Variants in NR2C2 observed in about 807,000 individuals in gnomAD.
The protein encoded by NR2C2 is Nuclear hormone receptor TR4.
NR2C2 carries 6 observed loss-of-function variants against 62.9 expected under a neutral mutation model. The ratio of observed to expected loss-of-function variants is 0.10; its 90% CI spans 0.05 to 0.19. NR2C2 has a LOEUF of 0.19. Among genes scored for constraint, NR2C2 ranks in the 10% least tolerant of loss-of-function variants. NR2C2 has a pLI of 1.00. For missense variants in NR2C2, 479 were observed against 762.7 expected (o/e 0.63, Z 4.38); for synonymous variants, 272 against 273.8 (o/e 0.99, Z 0.07).
chr3:14,972,153 C>CT lies in NR2C2; in HGVS notation c.-40+24257dup, dbSNP rs796832550. On this transcript the variant is annotated intron_variant, in intron 1 of 13. Coordinates refer to ENST00000425241, the MANE Select transcript of NR2C2 (RefSeq NM_001291694.2). ...AGAAAAAAAAGTTCTCATTCTCTCT[C>CT]TTTTTTTTTTCTTTTTCTTTCTTTT... 2.2e-3 allele frequency among the ~76,000 whole-genome samples: 302 copies of CT among 138,806 alleles called. 1 individual carries two copies. Among genetic ancestry groups the CT allele is most frequent in the South Asian group, 1.9e-3 (8 of 4,222 alleles). 91.1% of individuals were successfully genotyped at this position (138,806 alleles called of 152,430 possible).
intron 1 of NR2C2, among the ~76,000 whole-genome samples, chr3:14,954,988 GC>G (rs1407813702): frequency 6.6e-6 from 1 of 152,082 alleles, no homozygotes; most frequent in Admixed American, 6.6e-5. Flanking sequence ...GTGCCACCAT[GC>G]CCAGCTAATT....
Position 14,949,844 on chromosome 3 carries a change from TTCTC to T in NR2C2, c.-40+1942_-40+1945del, listed in dbSNP as rs537310097. Among the ~76,000 whole-genome samples the T allele has an allele frequency of 2.1e-4, 32 of 152,322 alleles. No homozygotes were observed. In the South Asian group the frequency reaches 5.6e-3, roughly 27 times the overall value. Reference sequence around the variant, plus strand: ...TTGAATATAATTCTCTGTGTGTGAGTTCTCTCTTTCTCTCTCTCGAGATAGAGAT... The same window carrying T: ...TTGAATATAATTCTCTGTGTGTGAGTTCTTTCTCTCTCTCGAGATAGAGAT... On this transcript the variant is annotated intron_variant, in intron 1 of 13. Coordinates refer to ENST00000425241, the MANE Select transcript of NR2C2 (RefSeq NM_001291694.2).
At chr3:15,020,662 A>G (rs1158251221) in intron 4 of NR2C2, 91 bp from the exon 5 acceptor site, 17 of 1,464,608 alleles carry the variant, frequency 1.2e-5, no homozygotes, top group South Asian at 3.8e-5. Flanking sequence ...CATCACTTCA[A>G]TGAGACTTGC....
intron 1 of NR2C2, among the ~76,000 whole-genome samples, chr3:14,949,548 C>T (rs771832241): frequency 6.6e-6 from 1 of 152,234 alleles, no homozygotes; most frequent in East Asian, 1.9e-4. Flanking sequence ...GAGGAAAATA[C>T]AGCCTTCATA....
At chr3:15,023,090 C>T (rs1475489311) in intron 5 of NR2C2, 110 bp from the exon 6 acceptor site, 1 of 1,215,562 alleles carries the variant, frequency 8.2e-7, no homozygotes, top group African/African-American at 1.5e-5. Flanking sequence ...GCTAGATGAA[C>T]CTAGCACCAG....
chr3:14,995,102 G>A (rs2040792634), intron 1 of NR2C2, among the ~76,000 whole-genome samples: 1 of 147,506 alleles, frequency 6.8e-6, no homozygotes, highest in South Asian at 2.1e-4. Context: ...GGGTTCAAGT[G>A]AGTCTCCCAC....
intron 1 of NR2C2, among the ~76,000 whole-genome samples, chr3:14,992,577 G>T (rs762888392): frequency 3.9e-5 from 6 of 152,224 alleles, no homozygotes; most frequent in Non-Finnish European, 8.8e-5. Context: ...GTGGTGTTCT[G>T]TGGAGAGTAC....
intron 1 of NR2C2, among the ~76,000 whole-genome samples, chr3:14,998,211 A>G (rs937098722): frequency 2.0e-5 from 3 of 152,156 alleles, no homozygotes; most frequent in African/African-American, 7.2e-5. Context: ...GCCTGTTATC[A>G]CTAATGCTGC....
chr3:15,028,088 G>C (rs1045838321), intron 7 of NR2C2, among the ~76,000 whole-genome samples: 1 of 152,160 alleles, frequency 6.6e-6, no homozygotes, highest in Non-Finnish European at 1.5e-5. Flanking sequence ...TTGAACCCCT[G>C]ACCTCAGGTG....
At chr3:15,030,956 T>C (rs1056710360) in intron 9 of NR2C2, among the ~76,000 whole-genome samples, 13 of 152,246 alleles carry the variant, frequency 8.5e-5, no homozygotes, top group African/African-American at 2.9e-4. Context: ...TCTTCACTTG[T>C]CTTTTGCTCA....
In NR2C2 at chr3:15,000,870, A is replaced by G. The variant is rs1044614645; in HGVS notation, c.-39-3006A>G. On this transcript the variant is annotated intron_variant, in intron 1 of 13. Transcript: ENST00000425241. ...TGCTCTGTTGCCAAGGCTGGAATGC[A>G]GTGGCACAATGTCGGCTCACTGCAA... 1.5e-4 allele frequency among the ~76,000 whole-genome samples: 21 copies of G among 142,020 alleles called. 4 individuals carry two copies. Among genetic ancestry groups the G allele is most frequent in the East Asian group, 1.2e-3 (6 of 4,856 alleles). 93.2% of individuals were successfully genotyped at this position (142,020 alleles called of 152,430 possible).
chr3:14,994,790 C>G (rs939266253), intron 1 of NR2C2, among the ~76,000 whole-genome samples: 2 of 149,392 alleles, frequency 1.3e-5, no homozygotes, highest in Non-Finnish European at 3.0e-5. Context: ...TGGAGTGTAC[C>G]TGTAGTCCCA....
At chr3:14,971,204 G>A (rs1295317157) in intron 1 of NR2C2, among the ~76,000 whole-genome samples, 1 of 151,700 alleles carries the variant, frequency 6.6e-6, no homozygotes, top group African/African-American at 2.4e-5. Flanking sequence ...TGCAACCTTT[G>A]CCTCCTGGGT....
At chr3:14,982,555 C>G (rs1311979020) in intron 1 of NR2C2, among the ~76,000 whole-genome samples, 1 of 151,708 alleles carries the variant, frequency 6.6e-6, no homozygotes, top group Non-Finnish European at 1.5e-5. Context: ...TCTTTATTTC[C>G]CAATGTTTTA....
intron 1 of NR2C2, among the ~76,000 whole-genome samples, chr3:14,973,330 G>T (rs2040105079): frequency 6.6e-6 from 1 of 151,950 alleles, no homozygotes; most frequent in Admixed American, 6.6e-5. Context: ...GGCTCAAGCA[G>T]TTCTCATGCC....
chr3:14,960,361 A>G (rs956170307), intron 1 of NR2C2, among the ~76,000 whole-genome samples: 2 of 152,220 alleles, frequency 1.3e-5, no homozygotes, highest in Admixed American at 6.5e-5. Flanking sequence ...CTGTGACTTC[A>G]TATCTGTAGT....
At chr3:15,036,621 C>G (rs767674781) in intron 11 of NR2C2, among the ~76,000 whole-genome samples, 4 of 152,112 alleles carry the variant, frequency 2.6e-5, no homozygotes, top group East Asian at 3.9e-4. Context: ...TCCCAAGTAG[C>G]TGGGACTTAC....
intron 1 of NR2C2, among the ~76,000 whole-genome samples, chr3:14,970,113 G>T (rs1323805782): frequency 6.6e-6 from 1 of 152,108 alleles, no homozygotes; most frequent in Non-Finnish European, 1.5e-5. Flanking sequence ...GCAGAAAACA[G>T]CAGGTTTCTG....
rs78055401 is a variant in NR2C2 at position 14,989,141 on chromosome 3, G to T, written c.-39-14735G>T. 3.4e-3 allele frequency among the ~76,000 whole-genome samples: 517 copies of T among 152,264 alleles called. 3 individuals carry two copies. The highest frequency in any genetic ancestry group is 0.012 in the African/African-American group (488 of 41,552). On this transcript the variant is annotated intron_variant, in intron 1 of 13. Coordinates refer to ENST00000425241, the MANE Select transcript of NR2C2 (RefSeq NM_001291694.2). Reference sequence around the variant, plus strand: ...GCCTGCCTTAGTGGCAGGTGCTCTTGTCTCAAAGCCAGAGAACCTAGGTGT... The same window carrying T: ...GCCTGCCTTAGTGGCAGGTGCTCTTTTCTCAAAGCCAGAGAACCTAGGTGT...
Sources: allele counts gnomAD v4.1 joint callset (sites outside exome capture counted in the v4.1 genomes callset), GRCh38; gene constraint gnomAD v4.1.1; transcripts MANE v1.5; gene names NCBI Gene and HGNC (gene_info 2026-07-23, HGNC 2026-07-21).